Variants in ZBTB20 observed in about 807,000 individuals in gnomAD.
ZBTB20 encodes zinc finger and BTB domain containing 20.
Under a neutral mutation model 56.9 loss-of-function variants are expected in ZBTB20, and 9 were observed. That is an observed-to-expected ratio of 0.16 (90% CI 0.10 to 0.28). The LOEUF (loss-of-function observed/expected upper bound fraction) is 0.28. ZBTB20 is among the 10% of genes least tolerant of loss of function. The pLI, the probability that ZBTB20 is intolerant of heterozygous loss-of-function variation, is 1.00. For synonymous variants in ZBTB20, 417 were observed against 420.7 expected, an observed-to-expected ratio of 0.99 and a Z score of 0.11; for missense variants, 655 against 1,003.0, an observed-to-expected ratio of 0.65 and a Z score of 4.69.
At position 114,514,225 on chromosome 3, in the gene ZBTB20, G is replaced by A. The variant is rs554549678; in HGVS notation, c.-294-13834C>T. Among the ~76,000 whole-genome samples, 60 of 152,234 alleles carry A rather than the reference G, an allele frequency of 3.9e-4. 1 individual carries two copies. The highest frequency in any genetic ancestry group is 1.4e-3 in the African/African-American group (59 of 41,534). On this transcript the variant is annotated intron_variant, in intron 6 of 11. Coordinates refer to ENST00000675478, the MANE Select transcript of ZBTB20 (RefSeq NM_001348800.3). ...AAGGAAAGAGGACTTATTTAGAGTT[G>A]TTTATTGAAATTCCCCCAAAGCTAT...
intron 5 of ZBTB20, among the ~76,000 whole-genome samples, chr3:114,773,744 GAGAA>G (rs2069383733): frequency 6.6e-6 from 1 of 152,130 alleles, no homozygotes; most frequent in South Asian, 2.1e-4. Context: ...ATGAAAAAAA[GAGAA>G]AGAAAGTCCA....
At chr3:114,403,768 T>A (rs889092907) in intron 7 of ZBTB20, among the ~76,000 whole-genome samples, 2 of 151,872 alleles carry the variant, frequency 1.3e-5, no homozygotes, top group Non-Finnish European at 2.9e-5. Context: ...CAAAACAACA[T>A]TGGTGGGATA....
intron 2 of ZBTB20, among the ~76,000 whole-genome samples, chr3:115,021,501 T>C (rs2080203983): frequency 6.6e-6 from 1 of 150,970 alleles, no homozygotes; most frequent in Non-Finnish European, 1.5e-5. Context: ...TAAATATTTA[T>C]GTGTAATGAA....
At chr3:115,057,157 T>C (rs909595618) in intron 2 of ZBTB20, among the ~76,000 whole-genome samples, 7 of 152,174 alleles carry the variant, frequency 4.6e-5, no homozygotes, top group Admixed American at 6.5e-5. Context: ...GCAACTGTCA[T>C]TGCAATTATT....
intron 3 of ZBTB20, among the ~76,000 whole-genome samples, chr3:114,950,124 A>T (rs541298705): frequency 6.6e-6 from 1 of 152,284 alleles, no homozygotes; most frequent in Admixed American, 6.5e-5. Context: ...GAACAATAGG[A>T]TCTCTCTTAT....
intron 5 of ZBTB20, among the ~76,000 whole-genome samples, chr3:114,712,654 G>GAA (rs139980086): frequency 1.3e-4 from 10 of 79,964 alleles, no homozygotes; most frequent in Admixed American, 1.5e-4. Flanking sequence ...ACTCCATCTC[G>GAA]AAAAAAAAAA....
chr3:115,113,661 A>G (rs1327645304), intron 1 of ZBTB20, among the ~76,000 whole-genome samples: 1 of 152,232 alleles, frequency 6.6e-6, no homozygotes, highest in Non-Finnish European at 1.5e-5. Flanking sequence ...AATTCAAGAA[A>G]TTACATATTA....
intron 7 of ZBTB20, among the ~76,000 whole-genome samples, chr3:114,407,935 C>G (rs2087500212): frequency 1.3e-5 from 2 of 152,056 alleles, no homozygotes; most frequent in Non-Finnish European, 2.9e-5. Context: ...TCTTTAACTA[C>G]TTTAACATAC....
At chr3:114,881,379 C>G (rs1282179587) in intron 4 of ZBTB20, among the ~76,000 whole-genome samples, 1 of 151,828 alleles carries the variant, frequency 6.6e-6, no homozygotes, top group Admixed American at 6.6e-5. Flanking sequence ...CTATTGTGTC[C>G]CGCTTAAATT....
intron 2 of ZBTB20, among the ~76,000 whole-genome samples, chr3:115,008,585 T>A (rs968074660): frequency 6.6e-6 from 1 of 151,858 alleles, no homozygotes; most frequent in Non-Finnish European, 1.5e-5. Flanking sequence ...ATTTTACATA[T>A]GAAAAAACAG....
At chr3:114,970,067 C>T (rs1301037581) in intron 3 of ZBTB20, among the ~76,000 whole-genome samples, 1 of 152,184 alleles carries the variant, frequency 6.6e-6, no homozygotes, top group East Asian at 1.9e-4. Flanking sequence ...TTGGGCCAGC[C>T]CACACATACT....
chr3:114,711,108 A>G (rs2064044674), intron 5 of ZBTB20, among the ~76,000 whole-genome samples: 1 of 152,158 alleles, frequency 6.6e-6, no homozygotes, highest in Non-Finnish European at 1.5e-5. Flanking sequence ...CCTATTTCAA[A>G]TAGCACTTTC....
At chr3:114,781,005 A>C (rs1329636534) in intron 5 of ZBTB20, among the ~76,000 whole-genome samples, 1 of 152,236 alleles carries the variant, frequency 6.6e-6, no homozygotes, top group Non-Finnish European at 1.5e-5. Context: ...ACTCTATCTT[A>C]AAATAAATAT....
intron 6 of ZBTB20, among the ~76,000 whole-genome samples, chr3:114,677,624 C>G (rs569312934): frequency 6.6e-6 from 1 of 152,120 alleles, no homozygotes; most frequent in East Asian, 1.9e-4. Flanking sequence ...GTGGCAAAAA[C>G]GTTGGTGGCT....
intron 7 of ZBTB20, among the ~76,000 whole-genome samples, chr3:114,398,409 A>G (rs1314727414): frequency 6.6e-6 from 1 of 152,098 alleles, no homozygotes; most frequent in Non-Finnish European, 1.5e-5. Flanking sequence ...TTCTGTAGCT[A>G]TTGGAATAGT....
chr3:114,586,540 G>A (rs966281212), intron 6 of ZBTB20, among the ~76,000 whole-genome samples: 1 of 152,206 alleles, frequency 6.6e-6, no homozygotes, highest in Admixed American at 6.5e-5. Context: ...CTGTTGAGAA[G>A]AGAATTTCCA....
At chr3:114,779,044 A>G (rs1046441045) in intron 5 of ZBTB20, among the ~76,000 whole-genome samples, 2 of 152,134 alleles carry the variant, frequency 1.3e-5, no homozygotes, top group East Asian at 3.9e-4. Flanking sequence ...TGTCTTTTCA[A>G]TTTCCTAATA....
intron 2 of ZBTB20, among the ~76,000 whole-genome samples, chr3:114,988,562 C>T (rs746487140): frequency 3.3e-5 from 5 of 152,040 alleles, no homozygotes; most frequent in Admixed American, 6.6e-5. Context: ...AATAAGCATA[C>T]GTGTGCATGT....
At chr3:114,713,138 G>A (rs756961879) in intron 5 of ZBTB20, among the ~76,000 whole-genome samples, 3 of 151,838 alleles carry the variant, frequency 2.0e-5, no homozygotes, top group Non-Finnish European at 2.9e-5. Flanking sequence ...ATTTCCCCTC[G>A]ATGTTGGACT....
Sources: allele counts gnomAD v4.1 joint callset (sites outside exome capture counted in the v4.1 genomes callset), GRCh38; gene constraint gnomAD v4.1.1; transcripts MANE v1.5; gene names NCBI Gene and HGNC (gene_info 2026-07-23, HGNC 2026-07-21).